The following TRAPPC9 variants were observed in gnomAD, a reference collection of about 807,000 sequenced individuals.
TRAPPC9 encodes the protein trafficking protein particle complex subunit 9.
A neutral mutation model predicts 124.0 loss-of-function variants in TRAPPC9; 83 were observed. The observed-to-expected ratio is 0.67, with a 90% CI of 0.56 to 0.80. The LOEUF (loss-of-function observed/expected upper bound fraction) is 0.80. TRAPPC9 is among the 30% of genes least tolerant of loss of function. The pLI is 0.00. For missense variants in TRAPPC9, 1,302 were observed against 1,508.3 expected (o/e 0.86, Z 2.27); for synonymous variants, 638 against 617.5 (o/e 1.03, Z -0.49).
At chr8:140,207,764 G>A (rs541075659) in intron 17 of TRAPPC9, among the ~76,000 whole-genome samples, 4 of 152,296 alleles carry the variant, frequency 2.6e-5, no homozygotes, top group South Asian at 2.1e-4. Flanking sequence ...ATACTGAAGC[G>A]GGGCTGGCAG....
At chr8:139,790,631 G>A (rs150507272) in intron 21 of TRAPPC9, among the ~76,000 whole-genome samples, 134 of 152,330 alleles carry the variant, frequency 8.8e-4, no homozygotes, top group Non-Finnish European at 1.1e-3. Flanking sequence ...CCGGCATTCA[G>A]TGGGTAGAGA....
chr8:140,401,190 C>G (rs183619491), intron 6 of TRAPPC9, among the ~76,000 whole-genome samples: 1 of 152,286 alleles, frequency 6.6e-6, no homozygotes, highest in Admixed American at 6.5e-5. Context: ...AGTCTATTTA[C>G]CAATCATGAA....
At chr8:139,923,574 T>C (rs1193235159) in intron 19 of TRAPPC9, among the ~76,000 whole-genome samples, 1 of 145,532 alleles carries the variant, frequency 6.9e-6, no homozygotes, top group South Asian at 2.3e-4. Context: ...CTCCATCTGC[T>C]GGCCTCCTTC....
intron 21 of TRAPPC9, among the ~76,000 whole-genome samples, chr8:139,855,716 G>T (rs1827757479): frequency 6.6e-6 from 1 of 152,258 alleles, no homozygotes; most frequent in African/African-American, 2.4e-5. Context: ...ATGTCCAGGA[G>T]CGGCATGTGG....
At chr8:139,842,606 G>C (rs963471513) in intron 21 of TRAPPC9, among the ~76,000 whole-genome samples, 3 of 143,770 alleles carry the variant, frequency 2.1e-5, no homozygotes, top group African/African-American at 7.6e-5. Flanking sequence ...CCGGGGCCAT[G>C]ATCACAGCAT....
intron 19 of TRAPPC9, among the ~76,000 whole-genome samples, chr8:139,974,754 G>T (rs750250515): frequency 6.6e-6 from 1 of 152,024 alleles, no homozygotes; most frequent in South Asian, 2.1e-4. Context: ...CTCCTACAGG[G>T]CTCCATTTTA....
chr8:140,002,920 G>A (rs1483729073), intron 18 of TRAPPC9, among the ~76,000 whole-genome samples: 1 of 138,956 alleles, frequency 7.2e-6, no homozygotes, highest in African/African-American at 2.6e-5. Flanking sequence ...AAAACACACA[G>A]GTAAATGCAA....
intron 17 of TRAPPC9, among the ~76,000 whole-genome samples, chr8:140,093,981 C>G (rs1467748371): frequency 2.6e-5 from 4 of 152,230 alleles, no homozygotes; most frequent in Non-Finnish European, 5.9e-5. Flanking sequence ...ACCAGCCAGT[C>G]CAGGAAGGGT....
intron 9 of TRAPPC9, among the ~76,000 whole-genome samples, chr8:140,317,295 G>T (rs1347228822): frequency 6.6e-6 from 1 of 152,086 alleles, no homozygotes; most frequent in Non-Finnish European, 1.5e-5. Context: ...AAGATGCAGT[G>T]TTAGACTGTT....
At chr8:140,082,533 G>A (rs1366891487) in intron 17 of TRAPPC9, among the ~76,000 whole-genome samples, 1 of 152,172 alleles carries the variant, frequency 6.6e-6, no homozygotes, top group East Asian at 1.9e-4. Context: ...TTAACATTAG[G>A]TGGTGACAGA....
At chr8:140,204,898 T>C (rs988810907) in intron 17 of TRAPPC9, among the ~76,000 whole-genome samples, 4 of 152,218 alleles carry the variant, frequency 2.6e-5, no homozygotes, top group African/African-American at 9.6e-5. Context: ...CTGGATTTTA[T>C]TGAGAGGAAA....
At chr8:139,949,363 C>T (rs888273806) in intron 19 of TRAPPC9, among the ~76,000 whole-genome samples, 6 of 152,122 alleles carry the variant, frequency 3.9e-5, no homozygotes, top group African/African-American at 4.8e-5. Flanking sequence ...TTAAACGTGG[C>T]GTTACCGTAT....
rs540117371 is a variant in TRAPPC9 at position 139,742,606 on chromosome 8, G to A, written c.3056-10404C>T. Among the ~76,000 whole-genome samples, 28 of 152,126 alleles carry A rather than the reference G, an allele frequency of 1.8e-4. No homozygotes were observed. The highest frequency in any genetic ancestry group is 3.2e-4 in the Non-Finnish European group (22 of 68,034). ...TGGGCAAGCTATGGACCCAGAACAC[G>A]GCCACGGGCAGAGGCAGGATGGACT... On this transcript the variant is annotated intron_variant, in intron 21 of 22. Transcript: ENST00000438773. The surrounding 1 kb of genome is among the most constrained non-coding windows in gnomAD (Gnocchi z 4.7).
intron 21 of TRAPPC9, among the ~76,000 whole-genome samples, chr8:139,737,247 T>A (rs979047025): frequency 6.6e-6 from 1 of 152,080 alleles, no homozygotes; most frequent in African/African-American, 2.4e-5. Context: ...AGCCTGCCTG[T>A]CAGCTTCAGC....
chr8:140,033,838 T>C (rs138736963), intron 17 of TRAPPC9, among the ~76,000 whole-genome samples: 3,936 of 152,058 alleles, frequency 0.026, 151 homozygotes, highest in African/African-American at 0.09. Context: ...TGTGCCACCA[T>C]ACCTTGTTAA....
chr8:140,146,332 C>T (rs60402503), intron 17 of TRAPPC9, among the ~76,000 whole-genome samples: 11,270 of 152,292 alleles, frequency 0.074, 853 homozygotes, highest in African/African-American at 0.19. Flanking sequence ...GTGGGGGCCA[C>T]CCCGGCATGG....
chr8:139,810,045 G>A (rs1316650220), intron 21 of TRAPPC9, among the ~76,000 whole-genome samples: 1 of 152,206 alleles, frequency 6.6e-6, no homozygotes, highest in East Asian at 1.9e-4. Flanking sequence ...ATTCTGCTCA[G>A]ACAGGCAGAC....
Position 139,885,972 on chromosome 8 carries a change from G to A in TRAPPC9, c.2965-3C>T, listed in dbSNP as rs1236803881. On this transcript the variant is annotated splice_region_variant and splice_polypyrimidine_tract_variant and intron_variant, in intron 20 of 22. Transcript: ENST00000438773. The stretch of plus-strand genomic sequence containing the variant: ...TCGCCACTGCGCTTCAGGGAGGGGT[G>A]AGCCTTGGTCAAGGAAAACGCAACT... 6.4e-7 allele frequency: 1 copy of A among 1,562,456 alleles called. No individual in the cohort carries two copies. Among genetic ancestry groups the A allele is most frequent in the East Asian group, 2.4e-5 (1 of 42,276 alleles).
At chr8:140,169,417 T>C (rs2061917730) in intron 17 of TRAPPC9, among the ~76,000 whole-genome samples, 2 of 152,068 alleles carry the variant, frequency 1.3e-5, no homozygotes, top group Non-Finnish European at 2.9e-5. Context: ...GATCCAGCAA[T>C]TCCACGGAGA....
Sources: gnomAD v4.1 joint callset for allele counts (sites outside exome capture counted in the v4.1 genomes callset) on GRCh38, gnomAD v4.1.1 for gene constraint, Gnocchi (gnomAD v3.1) non-coding constraint, MANE v1.5 for transcripts, NCBI Gene and HGNC (gene_info 2026-07-23, HGNC 2026-07-21) for gene names.